SOX5: variants seen among roughly 807,000 people sequenced by gnomAD.
SOX5 encodes transcription factor SOX-5.
A neutral mutation model predicts 92.0 loss-of-function variants in SOX5; 9 were observed. The observed-to-expected ratio is 0.10, with a 90% confidence interval of 0.06 to 0.17. The LOEUF is 0.17. Ranked by LOEUF, SOX5 falls within the 10% of genes least tolerant of loss-of-function variation. The pLI is 1.00. For synonymous variants in SOX5, 344 were observed against 336.3 expected (o/e 1.02, Z -0.25); for missense variants, 642 against 944.5 (o/e 0.68, Z 4.20).
chr12:24,341,269 T>G (rs1282593657), intron 2 of SOX5, among the ~76,000 whole-genome samples: 1 of 151,960 alleles, frequency 6.6e-6, no homozygotes, highest in Non-Finnish European at 1.5e-5. Context: ...TTGAGCCCAA[T>G]GGTTCAAGAC....
chr12:23,803,537 T>C (rs2095703260), intron 3 of SOX5, among the ~76,000 whole-genome samples: 1 of 152,204 alleles, frequency 6.6e-6, no homozygotes, highest in Admixed American at 6.5e-5. Context: ...TACTAATGAA[T>C]TGCCCTACCT....
At chr12:24,330,739 A>G (rs2140980944) in intron 2 of SOX5, among the ~76,000 whole-genome samples, 1 of 152,378 alleles carries the variant, frequency 6.6e-6, no homozygotes, top group Non-Finnish European at 1.5e-5. Context: ...GAACAAGAAT[A>G]TGAGTGAATA....
At chr12:24,112,700 T>TTTTTTC (rs1272659324) in intron 4 of SOX5, among the ~76,000 whole-genome samples, 2 of 151,678 alleles carry the variant, frequency 1.3e-5, no homozygotes, top group African/African-American at 2.4e-5. Context: ...AGCTAATTTT[T>TTTTTTC]TTTTTCTTTT....
intron 6 of SOX5, among the ~76,000 whole-genome samples, chr12:23,726,489 A>C: frequency 6.6e-6 from 1 of 152,306 alleles, no homozygotes; most frequent in African/African-American, 2.4e-5. Flanking sequence ...TGTGTAAATT[A>C]AAGTAAAATA....
At chr12:24,036,835 G>T (rs2136940243) in intron 4 of SOX5, among the ~76,000 whole-genome samples, 1 of 152,118 alleles carries the variant, frequency 6.6e-6, no homozygotes, top group Non-Finnish European at 1.5e-5. Flanking sequence ...ATCTAATGTT[G>T]GTAAACATAT....
At chr12:24,364,276 T>G (rs1241166626) in intron 2 of SOX5, among the ~76,000 whole-genome samples, 1 of 152,010 alleles carries the variant, frequency 6.6e-6, no homozygotes, top group Non-Finnish European at 1.5e-5. Flanking sequence ...AGGAAATGTT[T>G]TTACAATTCA....
chr12:23,831,158 T>G (rs1476618170), intron 3 of SOX5, among the ~76,000 whole-genome samples: 1 of 152,124 alleles, frequency 6.6e-6, no homozygotes, highest in Non-Finnish European at 1.5e-5. Context: ...AAAAAGACAT[T>G]AACATAATTT....
At chr12:24,439,455 A>G (rs1259579843) in intron 1 of SOX5, among the ~76,000 whole-genome samples, 1 of 152,160 alleles carries the variant, frequency 6.6e-6, no homozygotes, top group Non-Finnish European at 1.5e-5. Context: ...TATCCTGAGC[A>G]TGCTCTTCCT....
intron 4 of SOX5, among the ~76,000 whole-genome samples, chr12:24,171,685 G>C (rs188515837): frequency 6.6e-6 from 1 of 152,046 alleles, no homozygotes; most frequent in Non-Finnish European, 1.5e-5. Context: ...TGAATAGGGG[G>C]CTAGAGAAGC....
intron 1 of SOX5, among the ~76,000 whole-genome samples, chr12:24,505,591 A>C (rs1169687093): frequency 1.3e-5 from 2 of 152,244 alleles, no homozygotes; most frequent in Non-Finnish European, 2.9e-5. Flanking sequence ...ACAAGAAACT[A>C]TTCACAGTAA....
intron 1 of SOX5, among the ~76,000 whole-genome samples, chr12:24,457,809 A>G (rs562997712): frequency 2.6e-5 from 4 of 152,326 alleles, no homozygotes; most frequent in Admixed American, 6.5e-5. Flanking sequence ...TAGGATGACT[A>G]CCACTGGTTT....
intron 1 of SOX5, among the ~76,000 whole-genome samples, chr12:24,501,742 G>T (rs1308669401): frequency 6.6e-6 from 1 of 152,172 alleles, no homozygotes; most frequent in African/African-American, 2.4e-5. Flanking sequence ...TGGAAGGATT[G>T]CTTGAGCTGG....
intron 3 of SOX5, among the ~76,000 whole-genome samples, chr12:23,758,008 C>CAAAA (rs34841595): frequency 1.3e-4 from 9 of 68,216 alleles, no homozygotes; most frequent in African/African-American, 2.8e-4. Context: ...GCACACACTA[C>CAAAA]AAAAAAAAAA....
chr12:24,464,665 G>T (rs1352071214), intron 1 of SOX5, among the ~76,000 whole-genome samples: 1 of 152,128 alleles, frequency 6.6e-6, no homozygotes, highest in East Asian at 1.9e-4. Flanking sequence ...TTTTTGAGAA[G>T]TTACTATGTG....
chr12:24,019,227 C>T (rs969214284), intron 4 of SOX5, among the ~76,000 whole-genome samples: 6 of 152,192 alleles, frequency 3.9e-5, no homozygotes, highest in African/African-American at 9.6e-5. Context: ...CCTCCTTTGG[C>T]TTCCAAAAAT....
rs142740295 is a variant in SOX5 at position 24,467,993 on chromosome 12, T to A, written c.-251+94336A>T. On this transcript the variant is annotated intron_variant, in intron 1 of 4. Coordinates refer to the SOX5 transcript ENST00000446891. ...ATATCCTTGGAGGACCAAGATAACATAATTAGAATTTCAAGTGGAAATGGG... is the reference window on the plus strand; with the variant it reads ...ATATCCTTGGAGGACCAAGATAACAAAATTAGAATTTCAAGTGGAAATGGG... 3.5e-4 allele frequency among the ~76,000 whole-genome samples: 54 copies of A among 152,234 alleles called. 1 individual carries two copies. In the East Asian group the frequency reaches 0.01, roughly 29 times the overall value.
At chr12:24,371,695 G>C (rs536716325) in intron 1 of SOX5, among the ~76,000 whole-genome samples, 2 of 152,178 alleles carry the variant, frequency 1.3e-5, no homozygotes, top group African/African-American at 4.8e-5. Flanking sequence ...TGTATGTAAA[G>C]AGATCATTTG....
chr12:24,301,615 A>G (rs1488476467), intron 2 of SOX5, among the ~76,000 whole-genome samples: 2 of 152,208 alleles, frequency 1.3e-5, no homozygotes, highest in East Asian at 1.9e-4. Context: ...GAATATTTTG[A>G]ATTATTCAGC....
chr12:23,826,553 A>T (rs1381333094), intron 3 of SOX5, among the ~76,000 whole-genome samples: 6 of 152,106 alleles, frequency 3.9e-5, no homozygotes, highest in Non-Finnish European at 7.4e-5. Context: ...CTATATAAGG[A>T]CTGACAACTG....
Sources: allele counts gnomAD v4.1 joint callset (sites outside exome capture counted in the v4.1 genomes callset), GRCh38; gene constraint gnomAD v4.1.1; transcripts MANE v1.5; gene names NCBI Gene and HGNC (gene_info 2026-07-23, HGNC 2026-07-21).